The following ATP8B2 variants were observed in gnomAD, a reference collection of about 807,000 sequenced individuals.
ATP8B2 encodes the protein phospholipid-transporting ATPase ID.
A neutral mutation model predicts 133.4 loss-of-function variants in ATP8B2; 70 were observed. The ratio of observed to expected loss-of-function variants is 0.52; its 90% CI spans 0.43 to 0.64. The LOEUF (loss-of-function observed/expected upper bound fraction) is 0.64, where lower values mean the gene tolerates loss of function less well. ATP8B2 is among the 30% of genes least tolerant of loss of function. The probability of loss-of-function intolerance (pLI) is 0.00; values close to 1 mark genes in which losing one functional copy is unlikely to be tolerated. For synonymous variants in ATP8B2, 517 were observed against 589.5 expected (o/e 0.88, Z 1.78); for missense variants, 1,101 against 1,535.7 (o/e 0.72, Z 4.73).
intron 2 of ATP8B2, among the ~76,000 whole-genome samples, chr1:154,329,647 A>G (rs1304610374): frequency 2.0e-5 from 3 of 152,198 alleles, no homozygotes; most frequent in East Asian, 1.9e-4. Context: ...AAATGTGTGC[A>G]GATGGTACAA....
Position 154,345,628 on chromosome 1 carries a change from C to A in ATP8B2, c.2694+83C>A. Reference sequence around the variant, plus strand: ...CTGTCTTGTTTATCACTCAGTCCCCCAGGGCCTAGCTATTTTCTGGTACAT... The same window carrying A: ...CTGTCTTGTTTATCACTCAGTCCCCAAGGGCCTAGCTATTTTCTGGTACAT... On this transcript the variant is annotated intron_variant, in intron 23 of 27. Transcript: ENST00000368489. This position sits in a 1 kb window ranked among gnomAD's most constrained non-coding sequence, Gnocchi z 5.6. 1 of 1,375,952 alleles carries A rather than the reference C, an allele frequency of 7.3e-7. No homozygotes were observed. The highest frequency in any genetic ancestry group is 1.0e-6 in the Non-Finnish European group (1 of 986,310). 85.2% of individuals were successfully genotyped at this position (1,375,952 alleles called of 1,614,324 possible).
At chr1:154,333,317 C>G (rs1299061702) in intron 9 of ATP8B2, among the ~76,000 whole-genome samples, 2 of 149,938 alleles carry the variant, frequency 1.3e-5, no homozygotes, top group Non-Finnish European at 3.0e-5. Flanking sequence ...GTGACAAGAG[C>G]GAAACTCTGT....
rs1423897399 is a variant in ATP8B2, at chr1:154,342,975, C to T, written c.1453+14C>T. Reference sequence around the variant, plus strand: ...AAAAGAACGAAGGTGGGCCGAGGAGCCGGCTCGCACTCTCCTGACCTGACT... The same window carrying T: ...AAAAGAACGAAGGTGGGCCGAGGAGTCGGCTCGCACTCTCCTGACCTGACT... On this transcript the variant is annotated intron_variant, in intron 15 of 27. Transcript: ENST00000368489. The T allele has an allele frequency of 8.1e-6, 13 of 1,612,802 alleles. No individual in the cohort carries two copies. The highest frequency in any genetic ancestry group is 7.6e-6 in the Non-Finnish European group (9 of 1,179,366).
chr1:154,342,893 C>T lies in ATP8B2; in HGVS notation c.1385C>T (p.Pro462Leu), dbSNP rs748666571. 118 of 1,614,000 alleles carry T rather than the reference C, an allele frequency of 7.3e-5. No homozygotes were observed. The highest frequency in any genetic ancestry group is 2.4e-4 in the South Asian group (22 of 91,084). The change falls in exon 15 of 28, where the codon CCC becomes CTC. Residue 462 changes from proline to leucine, a missense_variant. Transcript: ENST00000368489. ...CTGGAGGCTGTCAAGATCGGGGACC[C>T]CCACACGCATGAGTTCTTCCGCCTC... The part of the protein sequence containing the change: ...SLLEAVKIGD[P>L]HTHEFFRLLS...
chr1:154,341,360 C>T, intron 13 of ATP8B2: 1 of 427,812 alleles, frequency 2.3e-6, no homozygotes, highest in Non-Finnish European at 4.4e-6. Flanking sequence ...TGGCATGCAC[C>T]TGTGGTCTCA....
chr1:154,343,350 C>T lies in ATP8B2; in HGVS notation c.1642+49C>T, dbSNP rs1244367165. ...GGGCGTTTGGGGACAGCATTCAGGC[C>T]TGGAATGGGTGAAGTGTGCCGGGTG... On this transcript the variant is annotated intron_variant, in intron 16 of 27. Coordinates refer to ENST00000368489, the MANE Select transcript of ATP8B2 (RefSeq NM_001370597.1). The surrounding 1 kb of genome is among the most constrained non-coding windows in gnomAD (Gnocchi z 5.8). 2.5e-6 allele frequency: 4 copies of T among 1,608,050 alleles called. No individual in the cohort carries two copies. Among genetic ancestry groups the T allele is most frequent in the Non-Finnish European group, 3.4e-6 (4 of 1,175,806 alleles).
At position 154,325,695 on chromosome 1, in the gene ATP8B2, G is replaced by T. The variant is rs1224463577; in HGVS notation, c.-45G>T. On this transcript the variant is annotated 5_prime_UTR_variant, in exon 1 of 28. Transcript: ENST00000368489. ...CGCCGGGGCGGGCGCCGAGCGCTGA[G>T]CGCTGAGGTGAGGCGAGGCGAGGCG... The T allele has an allele frequency of 1.3e-5, 2 of 152,348 alleles. No individual in the cohort carries two copies. The highest frequency in any genetic ancestry group is 4.8e-5 in the African/African-American group (2 of 41,426). 9.4% of individuals were successfully genotyped at this position (152,348 alleles called of 1,614,324 possible).
At position 154,348,908 on chromosome 1, in the gene ATP8B2, C is replaced by T. The variant is rs776128643; in HGVS notation, c.3363C>T (p.Arg1121=). The part of the protein sequence containing the change: ...AQHRCMRRVG[R]TGSRRSGYAF... ...ACCGCTGCATGCGGCGGGTTGGCCG[C>T]ACTGGCTCCCGGCGCTCCGGCTATG... Residue 1121 remains arginine, a synonymous_variant, in exon 28 of 28, where the codon CGC becomes CGT. Transcript: ENST00000368489. 3 of 1,613,598 alleles carry T rather than the reference C, an allele frequency of 1.9e-6. No homozygotes were observed. The highest frequency in any genetic ancestry group is 2.2e-5 in the South Asian group (2 of 91,062).
rs1570877989 is a variant in ATP8B2, at chr1:154,350,731, C to T, written c.*1613C>T. 2 of 152,494 alleles carry T rather than the reference C, an allele frequency of 1.3e-5. No individual in the cohort carries two copies. Among genetic ancestry groups the T allele is most frequent in the South Asian group, 2.1e-4 (1 of 4,832 alleles). The allele number at this position is 152,494 out of a possible 1,614,324, so 9.4% of individuals were successfully genotyped here. ...GGCCACAGCCTGTCCTTTACTTCAT[C>T]CACACCTATGAAGCTATTCCCTAAA... On this transcript the variant is annotated 3_prime_UTR_variant, in exon 28 of 28. Transcript: ENST00000368489.
intron 13 of ATP8B2, among the ~76,000 whole-genome samples, 193 bp from the exon 14 acceptor site, chr1:154,342,287 G>C (rs954235153): frequency 1.3e-5 from 2 of 151,830 alleles, no homozygotes; most frequent in African/African-American, 4.8e-5. Flanking sequence ...TGGGGTTCTG[G>C]AATCTAGGGT....
At chr1:154,341,490 T>C (rs984659083) in intron 13 of ATP8B2, 10 of 257,632 alleles carry the variant, frequency 3.9e-5, no homozygotes, top group Non-Finnish European at 6.1e-5. Context: ...AGGCCCTGTC[T>C]CTCGAGAAAA....
intron 1 of ATP8B2, chr1:154,327,903 G>A: frequency 6.3e-7 from 1 of 1,592,196 alleles, no homozygotes; most frequent in South Asian, 1.1e-5. Flanking sequence ...TGTCACCCAA[G>A]GCAGGGGCAT....
chr1:154,348,306 G>A (rs1390515493), intron 26 of ATP8B2, 102 bp from the exon 27 acceptor site: 6 of 1,292,388 alleles, frequency 4.6e-6, no homozygotes, highest in Admixed American at 2.5e-5. Context: ...GAAGCCAGAG[G>A]TGACTTAGGC....
At chr1:154,333,727 C>G (rs931338953) in intron 9 of ATP8B2, among the ~76,000 whole-genome samples, 1 of 149,496 alleles carries the variant, frequency 6.7e-6, no homozygotes, top group African/African-American at 2.5e-5. Context: ...CTCTACCTCC[C>G]AGGTTCAAGC....
In ATP8B2 at chr1:154,331,440, T is replaced by A. The variant is rs776789251; in HGVS notation, c.304-4T>A. On this transcript the variant is annotated splice_polypyrimidine_tract_variant and splice_region_variant and intron_variant, in intron 5 of 27. Coordinates refer to ENST00000368489, the MANE Select transcript of ATP8B2 (RefSeq NM_001370597.1). The surrounding 1 kb of genome is among the most constrained non-coding windows in gnomAD (Gnocchi z 4.8). ...GTCTTACCTTTCAGTTTTCTTCTTT[T>A]CAGTTCCGCCACAAGAGCGATAACC... 2 of 1,613,924 alleles carry A rather than the reference T, an allele frequency of 1.2e-6. No homozygotes were observed. The highest frequency in any genetic ancestry group is 1.7e-6 in the Non-Finnish European group (2 of 1,180,000).
At position 154,342,975 on chromosome 1, in the gene ATP8B2, C is replaced by A; in HGVS notation, c.1453+14C>A. The stretch of plus-strand genomic sequence containing the variant: ...AAAAGAACGAAGGTGGGCCGAGGAG[C>A]CGGCTCGCACTCTCCTGACCTGACT... On this transcript the variant is annotated intron_variant, in intron 15 of 27. Transcript: ENST00000368489. 3 of 1,612,920 alleles carry A rather than the reference C, an allele frequency of 1.9e-6. No homozygotes were observed. Among genetic ancestry groups the A allele is most frequent in the South Asian group, 1.1e-5 (1 of 90,982 alleles).
chr1:154,344,956 T>G lies in ATP8B2; in HGVS notation c.2287-15T>G. On this transcript the variant is annotated splice_polypyrimidine_tract_variant and intron_variant, in intron 21 of 27. Coordinates refer to ENST00000368489, the MANE Select transcript of ATP8B2 (RefSeq NM_001370597.1). The surrounding 1 kb of genome is among the most constrained non-coding windows in gnomAD (Gnocchi z 4.1). ...CCTGGAAAGACTGGCTCTCTCAGGTTTCTCTGTGCTCCAGGCCCACGCACT... is the reference window on the plus strand; with the variant it reads ...CCTGGAAAGACTGGCTCTCTCAGGTGTCTCTGTGCTCCAGGCCCACGCACT... 6.2e-7 allele frequency: 1 copy of G among 1,602,206 alleles called. No homozygotes were observed. The highest frequency in any genetic ancestry group is 8.5e-7 in the Non-Finnish European group (1 of 1,173,112).
rs772555525 is a variant in ATP8B2, at chr1:154,343,620, G to A, written c.1758+52G>A. 3 of 1,532,032 alleles carry A rather than the reference G, an allele frequency of 2.0e-6. No homozygotes were observed. Among genetic ancestry groups the A allele is most frequent in the South Asian group, 1.1e-5 (1 of 89,252 alleles). 94.9% of individuals were successfully genotyped at this position (1,532,032 alleles called of 1,614,324 possible). ...CCTGGGGGGTTCTACTCTTAGTGTG[G>A]GGGAGGCGACTTAAGTTTGTTTTAT... On this transcript the variant is annotated intron_variant, in intron 17 of 27. Transcript: ENST00000368489. The surrounding 1 kb of genome is among the most constrained non-coding windows in gnomAD (Gnocchi z 5.8).
chr1:154,333,796 G>A (rs1044291221), intron 9 of ATP8B2, among the ~76,000 whole-genome samples: 10 of 151,754 alleles, frequency 6.6e-5, no homozygotes, highest in South Asian at 4.2e-4. Flanking sequence ...CACCACACCC[G>A]GCTAATTTTT....
Sources: allele counts gnomAD v4.1 joint callset (sites outside exome capture counted in the v4.1 genomes callset), GRCh38; gene constraint gnomAD v4.1.1; non-coding constraint Gnocchi (gnomAD v3.1); transcripts MANE v1.5; gene names NCBI Gene and HGNC (gene_info 2026-07-23, HGNC 2026-07-21).